GRK5: variants seen among roughly 807,000 people sequenced by gnomAD.
GRK5 encodes g protein-coupled receptor kinase GRK5.
In GRK5, 40 loss-of-function variants were observed where a neutral mutation model predicts 78.4. That is an observed-to-expected ratio of 0.51 (90% CI 0.40 to 0.66). The LOEUF (loss-of-function observed/expected upper bound fraction) is 0.66, where lower values mean the gene tolerates loss of function less well. Ranked by LOEUF, GRK5 falls within the 30% of genes least tolerant of loss-of-function variation. GRK5 has a pLI of 0.00. For synonymous variants in GRK5, 289 were observed against 296.8 expected, an observed-to-expected ratio of 0.97 and a Z score of 0.27; for missense variants, 598 against 759.9, an observed-to-expected ratio of 0.79 and a Z score of 2.50.
chr10:119,384,602 C>A (rs1589777263), intron 3 of GRK5, among the ~76,000 whole-genome samples: 1 of 152,206 alleles, frequency 6.6e-6, no homozygotes, highest in East Asian at 1.9e-4. Flanking sequence ...GGTCTGTGTG[C>A]CTGTTCCTCC....
chr10:119,326,325 C>T (rs1263529973), intron 1 of GRK5, among the ~76,000 whole-genome samples, 191 bp from the exon 2 acceptor site: 1 of 152,192 alleles, frequency 6.6e-6, no homozygotes, highest in African/African-American at 2.4e-5. Flanking sequence ...GTGCGGGATA[C>T]TGGGGCTCAC....
At chr10:119,276,553 A>G (rs1335044814) in intron 1 of GRK5, among the ~76,000 whole-genome samples, 6 of 152,332 alleles carry the variant, frequency 3.9e-5, no homozygotes, top group East Asian at 3.9e-4. Context: ...TAGTGCCGCA[A>G]TAAACATACG....
chr10:119,438,135 G>T (rs1476885298), intron 9 of GRK5, among the ~76,000 whole-genome samples: 2 of 152,172 alleles, frequency 1.3e-5, no homozygotes, highest in African/African-American at 2.4e-5. Context: ...ATTGTAATTA[G>T]TAGTAGATCT....
chr10:119,300,003 A>G (rs1850148491), intron 1 of GRK5, among the ~76,000 whole-genome samples: 1 of 152,042 alleles, frequency 6.6e-6, no homozygotes, highest in Non-Finnish European at 1.5e-5. Context: ...ATGTTCCCTA[A>G]GCAGATGTTC....
chr10:119,291,308 C>G (rs974428464), intron 1 of GRK5, among the ~76,000 whole-genome samples: 5 of 152,158 alleles, frequency 3.3e-5, no homozygotes, highest in African/African-American at 4.8e-5. Flanking sequence ...CTACACCCAG[C>G]TAGACCCATT....
intron 4 of GRK5, 142 bp from the exon 5 acceptor site, chr10:119,423,024 G>T: frequency 5.8e-6 from 4 of 686,776 alleles, no homozygotes; most frequent in Non-Finnish European, 1.1e-5. Context: ...GGGGCAGCAG[G>T]TCACACACTG....
At chr10:119,442,695 G>A (rs924334812) in intron 11 of GRK5, among the ~76,000 whole-genome samples, 45 of 152,314 alleles carry the variant, frequency 3.0e-4, no homozygotes, top group African/African-American at 1.0e-3. Context: ...GCGCGTGCCC[G>A]GGGAGCAGGC....
At chr10:119,438,484 C>G (rs1029922100) in intron 9 of GRK5, among the ~76,000 whole-genome samples, 1 of 147,126 alleles carries the variant, frequency 6.8e-6, no homozygotes, top group African/African-American at 2.5e-5. Flanking sequence ...TGCCCTTCCC[C>G]CCATACCATC....
At chr10:119,245,146 C>T (rs1307079230) in intron 1 of GRK5, among the ~76,000 whole-genome samples, 2 of 152,046 alleles carry the variant, frequency 1.3e-5, no homozygotes, top group African/African-American at 2.4e-5. Context: ...GGCGTGGTTG[C>T]GTGTGCCTGT....
intron 1 of GRK5, among the ~76,000 whole-genome samples, chr10:119,274,025 C>T (rs963092263): frequency 2.0e-5 from 3 of 152,174 alleles, no homozygotes; most frequent in African/African-American, 4.8e-5. Flanking sequence ...GGATTATAGG[C>T]GTCAACTACC....
chr10:119,434,457 C>A (rs1852881791), intron 8 of GRK5, among the ~76,000 whole-genome samples: 1 of 152,224 alleles, frequency 6.6e-6, no homozygotes, highest in South Asian at 2.1e-4. Flanking sequence ...ACAGCTGTTC[C>A]AAATGGGTGA....
At chr10:119,263,613 C>G (rs1054281804) in intron 1 of GRK5, among the ~76,000 whole-genome samples, 6 of 152,104 alleles carry the variant, frequency 3.9e-5, no homozygotes, top group Non-Finnish European at 7.3e-5. Context: ...TTCTCTTCCC[C>G]TCTCCTCCAA....
In GRK5 at chr10:119,458,621, G is replaced by A. The variant is rs1032159530; in HGVS notation, c.*3554G>A. 3 of 148,898 alleles carry A rather than the reference G, an allele frequency of 2.0e-5. No homozygotes were observed. The highest frequency in any genetic ancestry group is 2.1e-4 in the South Asian group (1 of 4,690). 9.2% of individuals were successfully genotyped at this position (148,898 alleles called of 1,614,324 possible). On this transcript the variant is annotated 3_prime_UTR_variant, in exon 16 of 16. Transcript: ENST00000392870. ...GACAAATGGTGGTGGGAAGTCCTGG[G>A]AACACACACAGCCTTTGCATTGACA...
intron 2 of GRK5, among the ~76,000 whole-genome samples, chr10:119,341,971 C>A (rs1246079765): frequency 6.6e-6 from 1 of 152,232 alleles, no homozygotes; most frequent in South Asian, 2.1e-4. Flanking sequence ...CCCCACTTTT[C>A]TCTCCCCTTG....
Position 119,430,364 on chromosome 10 carries a change from CT to C in GRK5, c.534-8del. ...ACCATGAGACCAGTGTGGGATTCTT[CT>C]TTCTTCCAGGCAACCGGTGACCAAA... On this transcript the variant is annotated splice_polypyrimidine_tract_variant and intron_variant, in intron 6 of 15. Transcript: ENST00000392870. The surrounding 1 kb of genome is among the most constrained non-coding windows in gnomAD (Gnocchi z 4.5). 1 of 1,613,332 alleles carries C rather than the reference CT, an allele frequency of 6.2e-7. No individual in the cohort carries two copies.
At chr10:119,348,294 C>T (rs1851133267) in intron 2 of GRK5, among the ~76,000 whole-genome samples, 1 of 152,226 alleles carries the variant, frequency 6.6e-6, no homozygotes, top group African/African-American at 2.4e-5. Context: ...TGATTTTCCC[C>T]TCCCTCTTTT....
At chr10:119,284,510 A>G (rs76104804) in intron 1 of GRK5, among the ~76,000 whole-genome samples, 3,895 of 152,274 alleles carry the variant, frequency 0.026, 76 homozygotes, top group Admixed American at 0.055. Context: ...GATATTTTAC[A>G]TTCCTTTTTC....
chr10:119,313,160 A>ATGGTGGTG (rs1850414053), intron 1 of GRK5, among the ~76,000 whole-genome samples: 1 of 102,974 alleles, frequency 9.7e-6, no homozygotes, highest in East Asian at 3.1e-4. Context: ...TGGTGGTGGT[A>ATGGTGGTG]ATGGTAGTGG....
intron 2 of GRK5, among the ~76,000 whole-genome samples, chr10:119,370,759 C>T (rs72837505): frequency 0.024 from 3,697 of 152,262 alleles, 58 homozygotes; most frequent in South Asian, 0.035. Flanking sequence ...ACCTGAAATA[C>T]GGCAGAGTAG....
Sources: gnomAD v4.1 joint callset for allele counts (sites outside exome capture counted in the v4.1 genomes callset) on GRCh38, gnomAD v4.1.1 for gene constraint, Gnocchi (gnomAD v3.1) non-coding constraint, MANE v1.5 for transcripts, NCBI Gene and HGNC (gene_info 2026-07-23, HGNC 2026-07-21) for gene names.